Variants in CEMIP2 observed in about 807,000 individuals in gnomAD.
The protein encoded by CEMIP2 is cell migration inducing hyaluronidase 2.
CEMIP2 carries 79 observed loss-of-function variants against 146.9 expected under a neutral mutation model. The observed-to-expected ratio is 0.54, with a 90% CI of 0.45 to 0.65. The LOEUF (loss-of-function observed/expected upper bound fraction) is 0.65, where lower values mean the gene tolerates loss of function less well. Among genes scored for constraint, CEMIP2 ranks in the 30% least tolerant of loss-of-function variants. The pLI, the probability that CEMIP2 is intolerant of heterozygous loss-of-function variation, is 0.00. For synonymous variants in CEMIP2, 601 were observed against 606.3 expected (o/e 0.99, Z 0.13); for missense variants, 1,596 against 1,696.2 (o/e 0.94, Z 1.04).
chr9:71,761,216 G>T (rs1824624909), intron 1 of CEMIP2, among the ~76,000 whole-genome samples: 1 of 152,252 alleles, frequency 6.6e-6, no homozygotes, highest in African/African-American at 2.4e-5. Context: ...CCTGTGGGCT[G>T]CATTCTCTGC....
At chr9:71,753,898 C>T (rs1824334698) in intron 1 of CEMIP2, among the ~76,000 whole-genome samples, 1 of 152,128 alleles carries the variant, frequency 6.6e-6, no homozygotes, top group South Asian at 2.1e-4. Flanking sequence ...GTGGTAGGAA[C>T]TATGGGGTAT....
At position 71,700,768 on chromosome 9, in the gene CEMIP2, G is replaced by A. The variant is rs999462949; in HGVS notation, c.3251C>T (p.Thr1084Ile). ...CYPSNTSFQV[T>I]FGYLQRQNGS... ...ATTCTGCCGCTGCAAATAGCCAAAG[G>A]TAACTTGAAAACTTGTGTTTGATGG... The change falls in exon 19 of 24, where the codon ACC becomes ATC. Residue 1084 changes from threonine to isoleucine, a missense_variant. Transcript: ENST00000377044. 3.7e-6 allele frequency: 6 copies of A among 1,614,016 alleles called. No individual in the cohort carries two copies. Among genetic ancestry groups the A allele is most frequent in the Non-Finnish European group, 5.1e-6 (6 of 1,179,998 alleles).
intron 21 of CEMIP2, among the ~76,000 whole-genome samples, chr9:71,693,281 A>G (rs1416765307): frequency 6.6e-6 from 1 of 152,240 alleles, no homozygotes; most frequent in East Asian, 1.9e-4. Flanking sequence ...GATACCTGTC[A>G]CCCAAAGAGT....
At chr9:71,707,313 G>T (rs1186573692) in intron 17 of CEMIP2, among the ~76,000 whole-genome samples, 3 of 151,138 alleles carry the variant, frequency 2.0e-5, no homozygotes, top group Non-Finnish European at 2.9e-5. Context: ...ATCCCTTCTG[G>T]GACTTAGGCA....
intron 11 of CEMIP2, 146 bp from the exon 12 acceptor site, chr9:71,722,661 A>G (rs76874061): frequency 5.4e-6 from 3 of 553,258 alleles, no homozygotes; most frequent in Non-Finnish European, 9.4e-6. Flanking sequence ...CTGTAAAAAA[A>G]AAAAAAACAG....
At chr9:71,740,258 T>C in intron 4 of CEMIP2, 26 bp from the exon 5 acceptor site, 1 of 1,607,750 alleles carries the variant, frequency 6.2e-7, no homozygotes, top group Non-Finnish European at 8.5e-7. Flanking sequence ...GCATGTGCAT[T>C]TGATTACTTG....
rs1823120503 is a variant in CEMIP2 at position 71,718,068 on chromosome 9, T to A, written c.2279A>T (p.His760Leu). The stretch of plus-strand genomic sequence containing the variant: ...TGGTTTTTCGGGGTTTGCATCCTGA[T>A]GAGGTCGAAATCTAGGGGTTAAAAA... Reference protein sequence around the residue: ...CLDNSARFRPHQDANPEKPRV... With the variant: ...CLDNSARFRPLQDANPEKPRV... The change falls in exon 13 of 24, where the codon CAT (histidine) becomes CTT (leucine). Residue 760 changes from histidine to leucine, a missense_variant. Physicochemically the swap from His to Leu is moderately conservative, Grantham distance 99 (BLOSUM62 -3). Coordinates refer to ENST00000377044, the MANE Select transcript of CEMIP2 (RefSeq NM_013390.3). 2 of 1,609,488 alleles carry A rather than the reference T, an allele frequency of 1.2e-6. No individual in the cohort carries two copies. Among genetic ancestry groups the A allele is most frequent in the Non-Finnish European group, 1.7e-6 (2 of 1,177,708 alleles).
intron 1 of CEMIP2, among the ~76,000 whole-genome samples, chr9:71,757,639 G>A (rs1824504356): frequency 6.6e-6 from 1 of 152,134 alleles, no homozygotes; most frequent in African/African-American, 2.4e-5. Flanking sequence ...GATTCTAACT[G>A]CCTTGAATTT....
At chr9:71,758,462 T>A (rs938015129) in intron 1 of CEMIP2, among the ~76,000 whole-genome samples, 1 of 152,212 alleles carries the variant, frequency 6.6e-6, no homozygotes, top group Non-Finnish European at 1.5e-5. Context: ...GGAGAAAGAA[T>A]GCAGGCTCAG....
intron 20 of CEMIP2, 142 bp downstream of exon 20, chr9:71,697,843 T>C: frequency 1.2e-6 from 1 of 820,140 alleles, no homozygotes; most frequent in Non-Finnish European, 1.9e-6. Context: ...GCTTCACATT[T>C]TAGCATGGGC....
At chr9:71,722,286 TGG>T in intron 12 of CEMIP2, 139 bp downstream of exon 12, 1 of 580,810 alleles carries the variant, frequency 1.7e-6, no homozygotes, top group South Asian at 2.6e-5. Flanking sequence ...ACAGAATAAG[TGG>T]TTTTCCAAAA....
intron 14 of CEMIP2, 29 bp from the exon 15 acceptor site, chr9:71,715,118 C>A: frequency 6.2e-7 from 1 of 1,601,506 alleles, no homozygotes. Flanking sequence ...TCATTAGCTA[C>A]ATTTCTCCAG....
chr9:71,696,760 A>G (rs1822415510), intron 20 of CEMIP2, among the ~76,000 whole-genome samples: 1 of 151,940 alleles, frequency 6.6e-6, no homozygotes, highest in Admixed American at 6.6e-5. Context: ...ACAGAGAGAG[A>G]CTCCATCTCA....
intron 1 of CEMIP2, among the ~76,000 whole-genome samples, chr9:71,765,717 C>A (rs572948529): frequency 1.3e-5 from 2 of 152,246 alleles, no homozygotes; most frequent in South Asian, 2.1e-4. Context: ...TCTAATTGTT[C>A]ATTTCCTTAT....
rs1215029295 is a variant in CEMIP2 at position 71,689,457 on chromosome 9, AG to A, written c.3851+634del. Among the ~76,000 whole-genome samples, 3 of 152,354 alleles carry A rather than the reference AG, an allele frequency of 2.0e-5. No individual in the cohort carries two copies. In the South Asian group the frequency reaches 6.2e-4, roughly 32 times the overall value. ...GGGTCTCACCAACCCAGAAAAAGAA[AG>A]GTTTCTCTCCTGTGCAGCTTTCTTC... On this transcript the variant is annotated intron_variant, in intron 22 of 23. Coordinates refer to ENST00000377044, the MANE Select transcript of CEMIP2 (RefSeq NM_013390.3).
At chr9:71,723,023 T>C (rs1367831332) in intron 11 of CEMIP2, among the ~76,000 whole-genome samples, 1 of 148,340 alleles carries the variant, frequency 6.7e-6, no homozygotes, top group Admixed American at 6.8e-5. Context: ...AAAGAATGGA[T>C]TGGTGGTGCA....
At chr9:71,762,910 G>A (rs1824678396) in intron 1 of CEMIP2, among the ~76,000 whole-genome samples, 1 of 151,986 alleles carries the variant, frequency 6.6e-6, no homozygotes, top group African/African-American at 2.4e-5. Context: ...TACTCAGAAG[G>A]CTGAGATGTG....
At chr9:71,719,568 A>G (rs1377912684) in intron 12 of CEMIP2, among the ~76,000 whole-genome samples, 1 of 152,196 alleles carries the variant, frequency 6.6e-6, no homozygotes, top group Non-Finnish European at 1.5e-5. Flanking sequence ...TAAGGAGACC[A>G]GTCAGAAGGA....
intron 1 of CEMIP2, among the ~76,000 whole-genome samples, chr9:71,757,049 A>G (rs1204713670): frequency 1.3e-5 from 2 of 152,186 alleles, no homozygotes; most frequent in East Asian, 3.9e-4. Flanking sequence ...TTAATATGCA[A>G]GACAAAGGTA....
Sources: allele counts gnomAD v4.1 joint callset (sites outside exome capture counted in the v4.1 genomes callset), GRCh38; gene constraint gnomAD v4.1.1; transcripts MANE v1.5; gene names NCBI Gene and HGNC (gene_info 2026-07-23, HGNC 2026-07-21).